NBR1: variants seen among roughly 807,000 people sequenced by gnomAD.
NBR1 encodes the protein next to BRCA1 gene 1 protein.
In NBR1, 59 loss-of-function variants were observed where a neutral mutation model predicts 115.5. The ratio of observed to expected loss-of-function variants is 0.51; its 90% CI spans 0.41 to 0.63. The LOEUF (loss-of-function observed/expected upper bound fraction) is 0.63. Ranked by LOEUF, NBR1 falls within the 30% of genes least tolerant of loss-of-function variation. NBR1 has a pLI of 0.00. For synonymous variants in NBR1, 373 were observed against 414.7 expected, an observed-to-expected ratio of 0.90 and a Z score of 1.22; for missense variants, 1,043 against 1,150.5, an observed-to-expected ratio of 0.91 and a Z score of 1.35.
chr17:43,199,270 T>C (rs1484268126), intron 16 of NBR1, among the ~76,000 whole-genome samples: 1 of 152,030 alleles, frequency 6.6e-6, no homozygotes, highest in Non-Finnish European at 1.5e-5. Context: ...AGATGGGATT[T>C]CGCCACGTTG....
chr17:43,187,751 G>A (rs759904597), intron 6 of NBR1, among the ~76,000 whole-genome samples: 5 of 151,588 alleles, frequency 3.3e-5, no homozygotes, highest in Non-Finnish European at 7.4e-5. Flanking sequence ...CTTGTGATCC[G>A]CCCACCTCGG....
intron 5 of NBR1, among the ~76,000 whole-genome samples, chr17:43,182,587 G>A (rs1363567559): frequency 6.6e-6 from 1 of 150,624 alleles, no homozygotes; most frequent in South Asian, 2.1e-4. Context: ...GCCACTTTTT[G>A]GACATGGAAT....
chr17:43,209,178 G>A (rs977718462), intron 20 of NBR1, among the ~76,000 whole-genome samples: 9 of 151,490 alleles, frequency 5.9e-5, no homozygotes, highest in African/African-American at 1.7e-4. Flanking sequence ...CTGGGTTCAC[G>A]CCGTTGTCCT....
intron 16 of NBR1, among the ~76,000 whole-genome samples, chr17:43,199,235 G>A (rs2057139574): frequency 6.6e-6 from 1 of 151,862 alleles, no homozygotes; most frequent in Non-Finnish European, 1.5e-5. Flanking sequence ...CTACCACAAT[G>A]AGCTAAATTT....
intron 14 of NBR1, 111 bp from the exon 15 acceptor site, chr17:43,196,370 A>C: frequency 3.1e-6 from 2 of 642,202 alleles, no homozygotes; most frequent in South Asian, 4.9e-5. Context: ...ATCTTGGTTT[A>C]TTTTAGCCCT....
At chr17:43,176,434 T>C (rs1211394673) in intron 2 of NBR1, 1 of 152,416 alleles carries the variant, frequency 6.6e-6, no homozygotes, top group Non-Finnish European at 1.5e-5. Context: ...GTTTGCCCTT[T>C]GTACTCTTCT....
intron 8 of NBR1, chr17:43,190,078 G>C (rs2056906862): frequency 2.4e-6 from 1 of 414,326 alleles, no homozygotes; most frequent in Admixed American, 4.1e-5. Context: ...GTAGTTCCTC[G>C]GTTGTTCCAA....
At chr17:43,194,584 G>A in intron 13 of NBR1, 85 bp downstream of exon 13, 7 of 1,457,048 alleles carry the variant, frequency 4.8e-6, no homozygotes, top group Non-Finnish European at 5.7e-6. Context: ...CAGTAATCAG[G>A]AAATCAGAGA....
rs2057002405 is a variant in NBR1 at position 43,193,605 on chromosome 17, A to G, written c.1491A>G (p.Ser497=). ...PDNIEKGMIS[S]SKTDDLTCQQ... is the part of the protein sequence containing the mutation. The stretch of plus-strand genomic sequence containing the variant: ...ACATTGAAAAGGGCATGATCAGCTC[A>G]AGCAAAACTGATGATCTCACCTGCC... Residue 497 remains serine (S), a synonymous_variant, in exon 12 of 21, where the codon TCA becomes TCG. Coordinates refer to ENST00000590996, the MANE Select transcript of NBR1 (RefSeq NM_005899.5). 9 of 1,611,038 alleles carry G rather than the reference A, an allele frequency of 5.6e-6. No individual in the cohort carries two copies. Among genetic ancestry groups the G allele is most frequent in the Non-Finnish European group, 7.6e-6 (9 of 1,178,630 alleles).
chr17:43,205,369 A>G (rs2057293832), intron 20 of NBR1, among the ~76,000 whole-genome samples: 1 of 152,082 alleles, frequency 6.6e-6, no homozygotes, highest in Admixed American at 6.6e-5. Context: ...AAAGAAAGAT[A>G]CTATGCCAGT....
chr17:43,200,146 T>A (rs968424995), intron 16 of NBR1, 21 bp from the exon 17 acceptor site: 1 of 1,525,362 alleles, frequency 6.6e-7, no homozygotes, highest in Non-Finnish European at 8.8e-7. Context: ...CACCTTAAAA[T>A]TGGTTGCTTT....
Position 43,200,162 on chromosome 17 carries a change from T to G in NBR1, c.2027-5T>G, listed in dbSNP as rs1360764068. The G allele has an allele frequency of 6.5e-7, 1 of 1,540,766 alleles. No homozygotes were observed. The highest frequency in any genetic ancestry group is 2.5e-5 in the East Asian group (1 of 40,762). On this transcript the variant is annotated splice_region_variant and splice_polypyrimidine_tract_variant and intron_variant, in intron 16 of 20. Coordinates refer to ENST00000590996, the MANE Select transcript of NBR1 (RefSeq NM_005899.5). ...ACCTTAAAATTGGTTGCTTTCATCC[T>G]TTAGTGACATTTGCCTTGCCTGAAG...
intron 12 of NBR1, among the ~76,000 whole-genome samples, chr17:43,194,039 A>G (rs1353935168): frequency 1.3e-5 from 2 of 152,188 alleles, no homozygotes; most frequent in Admixed American, 6.5e-5. Flanking sequence ...GTTGCTACTT[A>G]GTGAACAGTT....
chr17:43,184,905 A>G (rs945731845), intron 5 of NBR1, among the ~76,000 whole-genome samples: 5 of 151,710 alleles, frequency 3.3e-5, no homozygotes, highest in Admixed American at 1.3e-4. Context: ...CTTGGCTAAC[A>G]TAGTGAAACC....
intron 13 of NBR1, 53 bp downstream of exon 13, chr17:43,194,552 G>A: frequency 6.3e-7 from 1 of 1,599,962 alleles, no homozygotes; most frequent in South Asian, 1.1e-5. Flanking sequence ...GAGCACAGGA[G>A]AGAAGGTGGT....
intron 20 of NBR1, chr17:43,209,513 T>C (rs1598023871): frequency 4.2e-6 from 6 of 1,433,486 alleles, no homozygotes; most frequent in Non-Finnish European, 5.7e-6. Context: ...ACTTTTATCT[T>C]GCTCATACTT....
chr17:43,192,930 T>C (rs1468277967), intron 10 of NBR1, among the ~76,000 whole-genome samples, 164 bp from the exon 11 acceptor site: 1 of 152,214 alleles, frequency 6.6e-6, no homozygotes, highest in Admixed American at 6.5e-5. Flanking sequence ...AGAAAATTTA[T>C]TGTTTCTAAT....
intron 20 of NBR1, among the ~76,000 whole-genome samples, chr17:43,209,221 C>T (rs932726871): frequency 3.3e-5 from 5 of 151,846 alleles, no homozygotes; most frequent in African/African-American, 4.8e-5. Context: ...GGACTACAGG[C>T]GCCTGCCACC....
chr17:43,190,820 T>C (rs2056928278), intron 9 of NBR1, 44 bp downstream of exon 9: 3 of 1,533,232 alleles, frequency 2.0e-6, no homozygotes, highest in African/African-American at 2.8e-5. Context: ...GATTGACTTC[T>C]TGGTTCTGGT....
Sources: allele counts gnomAD v4.1 joint callset (sites outside exome capture counted in the v4.1 genomes callset), GRCh38; gene constraint gnomAD v4.1.1; transcripts MANE v1.5; gene names NCBI Gene and HGNC (gene_info 2026-07-23, HGNC 2026-07-21).